Variants in TENM3 observed in about 807,000 individuals in gnomAD.
The protein encoded by TENM3 is teneurin transmembrane protein 3.
Under a neutral mutation model 255.1 loss-of-function variants are expected in TENM3, and 63 were observed. That is an observed-to-expected ratio of 0.25 (90% CI 0.20 to 0.30). TENM3 has a LOEUF of 0.30. Among genes scored for constraint, TENM3 ranks in the 10% least tolerant of loss-of-function variants. The probability of loss-of-function intolerance (pLI) is 1.00; values close to 1 mark genes in which losing one functional copy is unlikely to be tolerated. For missense variants in TENM3, 2,929 were observed against 3,461.1 expected, an observed-to-expected ratio of 0.85 and a Z score of 3.86; for synonymous variants, 1,306 against 1,322.3, an observed-to-expected ratio of 0.99 and a Z score of 0.27.
chr4:182,540,623 G>T (rs1316408036), intron 3 of TENM3, among the ~76,000 whole-genome samples: 3 of 152,078 alleles, frequency 2.0e-5, no homozygotes, highest in Non-Finnish European at 2.9e-5. Context: ...TATTTATCCA[G>T]TGAACCCGTG....
chr4:182,780,040 G>A (rs1353317321), intron 24 of TENM3, among the ~76,000 whole-genome samples: 1 of 151,190 alleles, frequency 6.6e-6, no homozygotes, highest in Admixed American at 6.6e-5. Flanking sequence ...CTTTTGCTGT[G>A]CAGAAGCTCT....
At chr4:182,608,463 A>G (rs903669963) in intron 4 of TENM3, among the ~76,000 whole-genome samples, 4 of 152,076 alleles carry the variant, frequency 2.6e-5, no homozygotes, top group Admixed American at 2.0e-4. Context: ...TTATTTGTCT[A>G]CCGGCTGCTT....
chr4:181,692,966 G>A, the TENM3 span, among the ~76,000 whole-genome samples: 1 of 152,164 alleles, frequency 6.6e-6, no homozygotes, highest in Non-Finnish European at 1.5e-5. Flanking sequence ...AACAGGCACT[G>A]TGAAGGGGAA....
intron 3 of TENM3, among the ~76,000 whole-genome samples, chr4:182,479,393 G>A (rs1037424815): frequency 1.3e-5 from 2 of 151,464 alleles, no homozygotes; most frequent in African/African-American, 4.8e-5. Context: ...TCATGAATTT[G>A]ACGATTATAA....
chr4:181,984,330 A>G, the TENM3 span, among the ~76,000 whole-genome samples: 2,002 of 152,234 alleles, frequency 0.013, 35 homozygotes, highest in African/African-American at 0.046. Context: ...ATGTCTTTTT[A>G]ACCATGAAAT....
chr4:182,476,167 C>G (rs1733666417), intron 3 of TENM3, among the ~76,000 whole-genome samples: 1 of 152,198 alleles, frequency 6.6e-6, no homozygotes, highest in Non-Finnish European at 1.5e-5. Flanking sequence ...ATAGCTGAAA[C>G]TCCCCAGAGA....
chr4:181,509,977 T>G, the TENM3 span, among the ~76,000 whole-genome samples: 1 of 152,346 alleles, frequency 6.6e-6, no homozygotes, highest in African/African-American at 2.4e-5. Context: ...GCAAACCCCC[T>G]AATTAAATGC....
In TENM3 at chr4:182,739,888, T is replaced by C. The variant is rs115513973; in HGVS notation, c.3379+1344T>C. Reference sequence around the variant, plus strand: ...CTGTCTCTACAAAATACACAAAAATTAGCCATGTGTGGTGATACGCACCTG... The same window carrying C: ...CTGTCTCTACAAAATACACAAAAATCAGCCATGTGTGGTGATACGCACCTG... On this transcript the variant is annotated intron_variant, in intron 18 of 27. Transcript: ENST00000511685. Among the ~76,000 whole-genome samples, 729 of 152,118 alleles carry C rather than the reference T, an allele frequency of 4.8e-3. 8 individuals are homozygous for C. Among genetic ancestry groups the C allele is most frequent in the African/African-American group, 0.017 (696 of 41,502 alleles).
chr4:181,957,257 A>G, the TENM3 span, among the ~76,000 whole-genome samples: 1 of 152,178 alleles, frequency 6.6e-6, no homozygotes, highest in African/African-American at 2.4e-5. Flanking sequence ...ACTGTGTACA[A>G]TGGGTTTTGA....
intron 3 of TENM3, among the ~76,000 whole-genome samples, chr4:182,480,593 G>A (rs1734101597): frequency 6.6e-6 from 1 of 152,042 alleles, no homozygotes; most frequent in Non-Finnish European, 1.5e-5. Context: ...TTTAAAAAGT[G>A]TCTTCGTAAA....
intron 19 of TENM3, among the ~76,000 whole-genome samples, chr4:182,751,595 G>A (rs916470076): frequency 4.6e-5 from 7 of 152,180 alleles, no homozygotes; most frequent in African/African-American, 1.7e-4. Context: ...AGGCAAGGAA[G>A]GCAAACAGTA....
chr4:182,129,692 C>T, the TENM3 span, among the ~76,000 whole-genome samples: 3 of 152,060 alleles, frequency 2.0e-5, no homozygotes, highest in African/African-American at 7.2e-5. Flanking sequence ...TATAAGTAAT[C>T]AAATTAAAAG....
chr4:181,659,982 A>G, the TENM3 span, among the ~76,000 whole-genome samples: 1 of 152,176 alleles, frequency 6.6e-6, no homozygotes, highest in African/African-American at 2.4e-5. Context: ...GTGATTCACT[A>G]CAATAGACAA....
intron 1 of TENM3, among the ~76,000 whole-genome samples, chr4:182,276,874 T>A (rs1384400336): frequency 6.6e-6 from 1 of 152,198 alleles, no homozygotes; most frequent in Non-Finnish European, 1.5e-5. Flanking sequence ...TAAAATGAAA[T>A]GAACTCAGCT....
At position 182,665,532 on chromosome 4, in the gene TENM3, A is replaced by C. The variant is rs555417002; in HGVS notation, c.1112-7473A>C. Among the ~76,000 whole-genome samples, 16 of 152,294 alleles carry C rather than the reference A, an allele frequency of 1.1e-4. No homozygotes were observed. In the East Asian group the frequency reaches 3.1e-3, roughly 29 times the overall value. ...TTCAACTTTCAAGTCGTATTTAAGA[A>C]GTACATTTTGTAAGGCTATCATAGA... On this transcript the variant is annotated intron_variant, in intron 6 of 27. Transcript: ENST00000511685.
the TENM3 span, among the ~76,000 whole-genome samples, chr4:181,543,930 C>G: frequency 6.6e-6 from 1 of 152,140 alleles, no homozygotes. Context: ...ATAATTTTCT[C>G]TTCCTGAAAT....
At chr4:181,485,550 A>G in the TENM3 span, among the ~76,000 whole-genome samples, 1 of 152,024 alleles carries the variant, frequency 6.6e-6, no homozygotes, top group Admixed American at 6.6e-5. Context: ...CTTTGATGGC[A>G]AAAAAACAGA....
chr4:181,993,688 A>G, the TENM3 span, among the ~76,000 whole-genome samples: 566 of 152,270 alleles, frequency 3.7e-3, 16 homozygotes, highest in South Asian at 0.049. Context: ...CCTATGCCTC[A>G]AACTTTAAAG....
intron 1 of TENM3, among the ~76,000 whole-genome samples, chr4:182,305,982 G>A (rs1486872726): frequency 6.6e-6 from 1 of 152,092 alleles, no homozygotes; most frequent in Non-Finnish European, 1.5e-5. Context: ...TGGGAAGTGT[G>A]CAAGGCAGAA....
Sources: gnomAD v4.1 joint callset for allele counts (sites outside exome capture counted in the v4.1 genomes callset) on GRCh38, gnomAD v4.1.1 for gene constraint, MANE v1.5 for transcripts, NCBI Gene and HGNC (gene_info 2026-07-23, HGNC 2026-07-21) for gene names.